The following PTPRD variants were observed in gnomAD, a reference collection of about 807,000 sequenced individuals.
PTPRD encodes the protein protein tyrosine phosphatase receptor type D, also known as receptor-type tyrosine-protein phosphatase delta.
In PTPRD, 34 loss-of-function variants were observed where a neutral mutation model predicts 214.5. That is an observed-to-expected ratio of 0.16 (90% CI 0.12 to 0.21). The LOEUF (loss-of-function observed/expected upper bound fraction) is 0.21, where lower values mean the gene tolerates loss of function less well. Ranked by LOEUF, PTPRD falls within the 10% of genes least tolerant of loss-of-function variation. The pLI is 1.00. For synonymous variants in PTPRD, 1,128 were observed against 845.7 expected (o/e 1.33, Z -5.79); for missense variants, 2,545 against 2,398.7 (o/e 1.06, Z -1.27).
intron 5 of PTPRD, among the ~76,000 whole-genome samples, chr9:9,817,865 C>A (rs888220216): frequency 1.3e-5 from 2 of 152,166 alleles, no homozygotes; most frequent in African/African-American, 4.8e-5. Flanking sequence ...ACCAGAAGAG[C>A]TGTGCCTGCC....
chr9:8,679,059 T>C (rs377665793), intron 12 of PTPRD, among the ~76,000 whole-genome samples: 3 of 152,076 alleles, frequency 2.0e-5, no homozygotes, highest in Non-Finnish European at 4.4e-5. Flanking sequence ...ACATAGAGGG[T>C]TGGGATGGAA....
At chr9:9,725,372 C>T (rs1166364867) in intron 7 of PTPRD, among the ~76,000 whole-genome samples, 2 of 151,684 alleles carry the variant, frequency 1.3e-5, no homozygotes, top group Non-Finnish European at 2.9e-5. Context: ...TCCTCCTTGC[C>T]TTCCACCATT....
chr9:10,349,860 C>A (rs1394361452), intron 2 of PTPRD, among the ~76,000 whole-genome samples: 1 of 152,118 alleles, frequency 6.6e-6, no homozygotes, highest in African/African-American at 2.4e-5. Flanking sequence ...CAGGGTTTCA[C>A]CATATTGGCC....
chr9:10,194,339 TATATATAGAGAGAGAGAGAGAGAGAGAG>T (rs1479826744), intron 3 of PTPRD, among the ~76,000 whole-genome samples: 3,023 of 68,246 alleles, frequency 0.044, 112 homozygotes, highest in Admixed American at 0.059. Context: ...TATATATATA[TATATATAGAGAGAGAGAGAGAGAGAGAG>T]AGAGAGAGAG....
chr9:10,047,456 T>A (rs888208543), intron 3 of PTPRD, among the ~76,000 whole-genome samples: 6 of 151,944 alleles, frequency 3.9e-5, no homozygotes, highest in Admixed American at 2.0e-4. Context: ...TTTATTAGTT[T>A]GAATAAATAA....
At chr9:9,495,356 C>T (rs1380083988) in intron 8 of PTPRD, among the ~76,000 whole-genome samples, 1 of 150,484 alleles carries the variant, frequency 6.6e-6, no homozygotes, top group African/African-American at 2.4e-5. Context: ...AAAAACCCAA[C>T]AGTTTGAAAC....
rs2098398350 is a variant in PTPRD at position 8,713,799 on chromosome 9, C to G, written c.64+19981G>C. 7.2e-6 allele frequency: 11 copies of G among 1,532,208 alleles called. No individual in the cohort carries two copies. The South Asian group carries it at 1.2e-4, about 16-fold the overall frequency. 94.9% of individuals were successfully genotyped at this position (1,532,208 alleles called of 1,614,324 possible). A position where few individuals can be genotyped will look rare whatever the true frequency, so the allele number is the denominator to read the frequency against. On this transcript the variant is annotated intron_variant, in intron 12 of 45. Coordinates refer to ENST00000381196, the MANE Select transcript of PTPRD (RefSeq NM_002839.4). ...CCCACCGGGTCCTGCGCCTTCAGCA[C>G]AAGCCACGATTCACCACCAAGAGGC...
intron 7 of PTPRD, among the ~76,000 whole-genome samples, chr9:9,645,849 T>C (rs1411209759): frequency 1.3e-5 from 2 of 152,200 alleles, no homozygotes; most frequent in Admixed American, 1.3e-4. Flanking sequence ...ATACTTTTCA[T>C]CAAATGTACA....
intron 10 of PTPRD, among the ~76,000 whole-genome samples, chr9:9,141,271 C>T (rs1364848023): frequency 6.7e-6 from 1 of 149,778 alleles, no homozygotes; most frequent in African/African-American, 2.5e-5. Flanking sequence ...GACTATTCCC[C>T]TGAGGCACTA....
chr9:9,975,132 C>T (rs1224472580), intron 4 of PTPRD, among the ~76,000 whole-genome samples: 1 of 152,140 alleles, frequency 6.6e-6, no homozygotes, highest in Non-Finnish European at 1.5e-5. Flanking sequence ...CTCCCATTTA[C>T]AGAGGGCACA....
intron 4 of PTPRD, among the ~76,000 whole-genome samples, chr9:10,013,416 T>C (rs960510043): frequency 6.6e-6 from 1 of 152,092 alleles, no homozygotes; most frequent in African/African-American, 2.4e-5. Flanking sequence ...ATTTGCATAT[T>C]TTTTAAACAC....
chr9:8,394,259 G>C (rs924867364), intron 36 of PTPRD, among the ~76,000 whole-genome samples: 1 of 151,886 alleles, frequency 6.6e-6, no homozygotes, highest in East Asian at 1.9e-4. Flanking sequence ...TTGAAAAGAT[G>C]TCTCTTGTTG....
In PTPRD at chr9:9,889,788, A is replaced by AGTGT. The variant is rs138586181; in HGVS notation, c.-368+48715_-368+48718dup. ...TGCTTGTCTCAGCAAGTTCCTGCTG[A>AGTGT]GTGTGTGTGTGTGTGTGTGTGTGTA... On this transcript the variant is annotated intron_variant, in intron 5 of 45. Transcript: ENST00000381196. Among the ~76,000 whole-genome samples the AGTGT allele has an allele frequency of 9.6e-4, 140 of 146,312 alleles. 2 individuals are homozygous for AGTGT. Among genetic ancestry groups the AGTGT allele is most frequent in the African/African-American group, 2.8e-3 (114 of 40,158 alleles).
chr9:9,972,370 G>A (rs113982443), intron 4 of PTPRD, among the ~76,000 whole-genome samples: 1 of 152,106 alleles, frequency 6.6e-6, no homozygotes, highest in Non-Finnish European at 1.5e-5. Flanking sequence ...GAACACCCTT[G>A]GACTTTTCTG....
intron 3 of PTPRD, among the ~76,000 whole-genome samples, chr9:10,249,723 A>G (rs1252418959): frequency 2.0e-5 from 3 of 152,164 alleles, no homozygotes; most frequent in African/African-American, 7.2e-5. Flanking sequence ...TAGACAATAT[A>G]TTAATTTTCC....
intron 11 of PTPRD, among the ~76,000 whole-genome samples, chr9:8,882,352 C>T (rs1184471664): frequency 6.6e-6 from 1 of 152,134 alleles, no homozygotes; most frequent in Non-Finnish European, 1.5e-5. Context: ...TGCAAAATTA[C>T]AGATCCAAGC....
At chr9:9,133,893 G>A (rs2099846677) in intron 10 of PTPRD, among the ~76,000 whole-genome samples, 1 of 151,936 alleles carries the variant, frequency 6.6e-6, no homozygotes, top group Admixed American at 6.6e-5. Flanking sequence ...GCACTGAAAG[G>A]GAACTGGGTA....
At chr9:9,963,188 G>T (rs577256890) in intron 4 of PTPRD, among the ~76,000 whole-genome samples, 6 of 151,692 alleles carry the variant, frequency 4.0e-5, no homozygotes, top group African/African-American at 7.3e-5. Context: ...ATACAATACT[G>T]AGATTTAAAA....
intron 3 of PTPRD, among the ~76,000 whole-genome samples, chr9:10,270,992 G>A (rs1266486591): frequency 6.6e-6 from 1 of 151,856 alleles, no homozygotes; most frequent in Non-Finnish European, 1.5e-5. Flanking sequence ...GCAGCTAATA[G>A]AAAAGAAAAA....
Sources: gnomAD v4.1 joint callset for allele counts (sites outside exome capture counted in the v4.1 genomes callset) on GRCh38, gnomAD v4.1.1 for gene constraint, MANE v1.5 for transcripts, NCBI Gene and HGNC (gene_info 2026-07-23, HGNC 2026-07-21) for gene names.